The following SGCZ variants were observed in gnomAD, a reference collection of about 807,000 sequenced individuals.
SGCZ encodes the protein zeta-sarcoglycan.
SGCZ carries 40 observed loss-of-function variants against 41.3 expected under a neutral mutation model. The observed-to-expected ratio is 0.97, with a 90% confidence interval of 0.75 to 1.26. The LOEUF (loss-of-function observed/expected upper bound fraction) is 1.26, where lower values mean the gene tolerates loss of function less well. Among genes scored for constraint, SGCZ ranks in the 50% most tolerant of loss-of-function variants. The pLI, the probability that SGCZ is intolerant of heterozygous loss-of-function variation, is 0.00. For missense variants in SGCZ, 552 were observed against 369.8 expected (o/e 1.49, Z -4.04); for synonymous variants, 206 against 137.5 (o/e 1.50, Z -3.49).
intron 1 of SGCZ, among the ~76,000 whole-genome samples, chr8:15,182,304 G>C (rs1800202340): frequency 1.3e-5 from 2 of 152,096 alleles, no homozygotes; most frequent in African/African-American, 2.4e-5. Flanking sequence ...ATATAATGCA[G>C]TCATGTGCCC....
In SGCZ at chr8:14,994,958, AG is replaced by A. The variant is rs1212225748; in HGVS notation, c.39+242626del. On this transcript the variant is annotated intron_variant, in intron 1 of 7. Transcript: ENST00000382080. ...TATTTAGAAAATAATTTAACCAGAAAGCTTCCCCTAATATTATGTGTTGTTC... is the reference window on the plus strand; with the variant it reads ...TATTTAGAAAATAATTTAACCAGAAACTTCCCCTAATATTATGTGTTGTTC... Among the ~76,000 whole-genome samples the A allele has an allele frequency of 7.9e-5, 12 of 152,220 alleles. 1 individual carries two copies. Among genetic ancestry groups the A allele is most frequent in the African/African-American group, 2.9e-4 (12 of 41,466 alleles).
intron 2 of SGCZ, among the ~76,000 whole-genome samples, chr8:14,413,894 C>T (rs10110085): frequency 0.24 from 36,565 of 151,864 alleles, 4,589 homozygotes; most frequent in Non-Finnish European, 0.29. Flanking sequence ...ATCTAGAACT[C>T]TGTAAGTTTA....
chr8:14,625,384 T>C (rs192666399), intron 1 of SGCZ, among the ~76,000 whole-genome samples: 53 of 152,266 alleles, frequency 3.5e-4, no homozygotes, highest in Admixed American at 9.8e-4. Context: ...AACAGACAAA[T>C]TGTATTCTCA....
intron 1 of SGCZ, among the ~76,000 whole-genome samples, chr8:15,006,557 G>A (rs1242384306): frequency 6.6e-6 from 1 of 152,138 alleles, no homozygotes; most frequent in Non-Finnish European, 1.5e-5. Flanking sequence ...AGAAAATATA[G>A]TTCATAATTA....
In SGCZ at chr8:14,687,657, A is replaced by G. The variant is rs1001643214; in HGVS notation, c.40-132731T>C. Among the ~76,000 whole-genome samples the G allele has an allele frequency of 5.9e-5, 9 of 151,720 alleles. No homozygotes were observed. In the East Asian group the frequency reaches 1.4e-3, roughly 23 times the overall value. On this transcript the variant is annotated intron_variant, in intron 1 of 7. Transcript: ENST00000382080. ...GTGAATAGTGCTGCAATAAACATAC[A>G]TGTGCATGTGTCTTTATAGCAGCAT...
At chr8:14,316,596 G>A (rs531607113) in intron 3 of SGCZ, among the ~76,000 whole-genome samples, 12 of 151,758 alleles carry the variant, frequency 7.9e-5, no homozygotes, top group Admixed American at 3.3e-4. Context: ...CTTTCAACCC[G>A]GAAACACTTT....
intron 1 of SGCZ, among the ~76,000 whole-genome samples, chr8:14,639,958 T>C (rs1362415704): frequency 6.6e-6 from 1 of 151,680 alleles, no homozygotes; most frequent in Non-Finnish European, 1.5e-5. Context: ...AGTAGTTACT[T>C]AGAGCAGAAA....
chr8:14,835,642 T>C lies in SGCZ; in HGVS notation c.40-280716A>G, dbSNP rs763968353. Among the ~76,000 whole-genome samples the C allele has an allele frequency of 1.6e-4, 24 of 152,210 alleles. 1 individual carries two copies. The highest frequency in any genetic ancestry group is 3.2e-4 in the Non-Finnish European group (22 of 68,028). On this transcript the variant is annotated intron_variant, in intron 1 of 7. Transcript: ENST00000382080. ...CACCCTGCTAGACACCTGTTCTAATTTGATATTCCACCATTTATCATTACT... is the reference window on the plus strand; with the variant it reads ...CACCCTGCTAGACACCTGTTCTAATCTGATATTCCACCATTTATCATTACT...
At chr8:14,742,579 G>C in intron 1 of SGCZ, among the ~76,000 whole-genome samples, 1 of 151,960 alleles carries the variant, frequency 6.6e-6, no homozygotes, top group East Asian at 1.9e-4. Context: ...CAGTTTACTT[G>C]GATCTCCATT....
chr8:14,173,410 G>C (rs1164816338), intron 4 of SGCZ, among the ~76,000 whole-genome samples: 3 of 151,846 alleles, frequency 2.0e-5, no homozygotes, highest in Non-Finnish European at 2.9e-5. Flanking sequence ...GATTTTAAAT[G>C]TAAGAAAAAA....
intron 1 of SGCZ, among the ~76,000 whole-genome samples, chr8:15,006,619 T>C (rs996151378): frequency 6.6e-6 from 1 of 152,186 alleles, no homozygotes; most frequent in South Asian, 2.1e-4. Context: ...TTAATAAATT[T>C]ACATTAAAAA....
chr8:14,960,782 A>C lies in SGCZ; in HGVS notation c.39+276803T>G, dbSNP rs188500722. 1.3e-3 allele frequency among the ~76,000 whole-genome samples: 191 copies of C among 152,228 alleles called. 2 individuals carry two copies. The highest frequency in any genetic ancestry group is 6.8e-3 in the Middle Eastern group (2 of 294). On this transcript the variant is annotated intron_variant, in intron 1 of 7. Transcript: ENST00000382080. Reference sequence around the variant, plus strand: ...CCATCAAAGAGCAGTCATCATTTCTACTACATCAATTAAGGAAATCACTGA... The same window carrying C: ...CCATCAAAGAGCAGTCATCATTTCTCCTACATCAATTAAGGAAATCACTGA...
intron 4 of SGCZ, among the ~76,000 whole-genome samples, chr8:14,199,685 G>A (rs1040882992): frequency 6.6e-4 from 100 of 152,068 alleles, no homozygotes; most frequent in Non-Finnish European, 1.2e-3. Flanking sequence ...TTCTCAGACT[G>A]GCCAAAGCTT....
At chr8:14,175,222 A>G (rs1430215650) in intron 4 of SGCZ, among the ~76,000 whole-genome samples, 1 of 152,118 alleles carries the variant, frequency 6.6e-6, no homozygotes, top group Non-Finnish European at 1.5e-5. Context: ...ATGGCCAAAG[A>G]TATTTACAGA....
chr8:14,893,985 C>A (rs547265737), intron 1 of SGCZ, among the ~76,000 whole-genome samples: 2 of 152,182 alleles, frequency 1.3e-5, no homozygotes, highest in South Asian at 4.1e-4. Context: ...TAACCCAGGG[C>A]AGAAGTGATA....
intron 2 of SGCZ, among the ~76,000 whole-genome samples, chr8:14,355,957 G>A (rs1803280558): frequency 6.6e-6 from 1 of 152,142 alleles, no homozygotes; most frequent in Non-Finnish European, 1.5e-5. Context: ...CTCATGGTGT[G>A]AAAGTAATAC....
intron 1 of SGCZ, among the ~76,000 whole-genome samples, chr8:14,658,434 T>C (rs912693405): frequency 6.6e-6 from 1 of 152,132 alleles, no homozygotes; most frequent in Admixed American, 6.6e-5. Context: ...TGCTTTCCTA[T>C]TTTTCTCATC....
At chr8:14,156,464 AAAAAAC>A (rs747376964) in intron 5 of SGCZ, among the ~76,000 whole-genome samples, 10 of 152,252 alleles carry the variant, frequency 6.6e-5, no homozygotes, top group Non-Finnish European at 1.0e-4. Context: ...CCATCTCAGA[AAAAAAC>A]AAAAACAAAA....
At chr8:14,400,373 G>T (rs1799037823) in intron 2 of SGCZ, among the ~76,000 whole-genome samples, 1 of 152,074 alleles carries the variant, frequency 6.6e-6, no homozygotes, top group Admixed American at 6.6e-5. Flanking sequence ...TTGGTAGATA[G>T]AACATTTACC....
Sources: allele counts gnomAD v4.1 joint callset (sites outside exome capture counted in the v4.1 genomes callset), GRCh38; gene constraint gnomAD v4.1.1; transcripts MANE v1.5; gene names NCBI Gene and HGNC (gene_info 2026-07-23, HGNC 2026-07-21).